Variants in KCNJ3 observed in about 807,000 individuals in gnomAD.
The protein encoded by KCNJ3 is G protein-activated inward rectifier potassium channel 1.
KCNJ3 carries 4 observed loss-of-function variants against 39.2 expected under a neutral mutation model. The ratio of observed to expected loss-of-function variants is 0.10; its 90% CI spans 0.05 to 0.23. The LOEUF is 0.23. KCNJ3 is among the 10% of genes least tolerant of loss of function. The probability of loss-of-function intolerance (pLI) is 1.00; values close to 1 mark genes in which losing one functional copy is unlikely to be tolerated. For missense variants in KCNJ3, 276 were observed against 634.9 expected (o/e 0.43, Z 6.08); for synonymous variants, 230 against 237.4 (o/e 0.97, Z 0.29).
intron 2 of KCNJ3, among the ~76,000 whole-genome samples, chr2:154,791,916 C>T (rs946586645): frequency 2.0e-5 from 3 of 152,022 alleles, no homozygotes; most frequent in African/African-American, 7.2e-5. Context: ...CCAGAGATTG[C>T]ATTAGTCAGC....
chr2:154,709,752 C>G lies in KCNJ3; in HGVS notation c.852C>G (p.Ser284=). The change falls in exon 2 of 3, where the codon TCC becomes TCG. Residue 284 remains serine, a synonymous_variant. Coordinates refer to ENST00000295101, the MANE Select transcript of KCNJ3 (RefSeq NM_002239.4). ...CCAAAAGCCCCTTTTATGACCTATC[C>G]CAGCGAAGCATGCAAACTGAACAGT... is the stretch of plus-strand genomic sequence containing the variant. ...IDAKSPFYDL[S]QRSMQTEQFE... is the part of the protein sequence containing the mutation. 6.2e-7 allele frequency: 1 copy of G among 1,613,862 alleles called. No individual in the cohort carries two copies. The highest frequency in any genetic ancestry group is 8.5e-7 in the Non-Finnish European group (1 of 1,179,882).
intron 2 of KCNJ3, among the ~76,000 whole-genome samples, chr2:154,722,581 T>G (rs996263157): frequency 2.0e-5 from 3 of 152,002 alleles, no homozygotes; most frequent in Admixed American, 6.6e-5. Context: ...AGTGGAAGAG[T>G]AAAGGCTGGA....
rs911439025 is a variant in KCNJ3, at chr2:154,749,630, A to C, written c.919+39811A>C. 3.3e-5 allele frequency among the ~76,000 whole-genome samples: 5 copies of C among 152,070 alleles called. No individual in the cohort carries two copies. The East Asian group carries it at 7.7e-4, about 23-fold the overall frequency. ...AATGTGTTTGGCTTCTGGTTCGATC[A>C]CATAGTTTTATGACCTTGCCAAAGT... On this transcript the variant is annotated intron_variant, in intron 2 of 2. Coordinates refer to ENST00000295101, the MANE Select transcript of KCNJ3 (RefSeq NM_002239.4).
chr2:154,789,627 G>A lies in KCNJ3; in HGVS notation c.920-65100G>A, dbSNP rs190422710. ...AAAGTAGCCAGAACATACATATAGT[G>A]TAATTAAACAAATTCCCTTTATCTT... On this transcript the variant is annotated intron_variant, in intron 2 of 2. Transcript: ENST00000295101. Among the ~76,000 whole-genome samples the A allele has an allele frequency of 4.0e-3, 607 of 152,106 alleles. 6 individuals are homozygous for A. Among genetic ancestry groups the A allele is most frequent in the Non-Finnish European group, 3.4e-3 (229 of 67,934 alleles).
At position 154,732,385 on chromosome 2, in the gene KCNJ3, A is replaced by T. The variant is rs563846505; in HGVS notation, c.919+22566A>T. Among the ~76,000 whole-genome samples the T allele has an allele frequency of 4.6e-5, 7 of 152,184 alleles. No individual in the cohort carries two copies. In the South Asian group the frequency reaches 1.4e-3, roughly 32 times the overall value. The stretch of plus-strand genomic sequence containing the variant: ...CTTCATGACAGTCAATATTTTTCTT[A>T]CCCATTGGTGTTTGGATAAATGAAA... On this transcript the variant is annotated intron_variant, in intron 2 of 2. Transcript: ENST00000295101.
intron 2 of KCNJ3, among the ~76,000 whole-genome samples, chr2:154,844,450 G>A (rs1443604493): frequency 2.0e-5 from 3 of 152,170 alleles, no homozygotes; most frequent in East Asian, 1.9e-4. Flanking sequence ...GAGCTCAGAC[G>A]CCGTGCTGGG....
At chr2:154,801,949 A>C (rs1015930467) in intron 2 of KCNJ3, among the ~76,000 whole-genome samples, 1 of 152,142 alleles carries the variant, frequency 6.6e-6, no homozygotes, top group African/African-American at 2.4e-5. Flanking sequence ...TATTACAACT[A>C]GAATTAAAAC....
chr2:154,770,085 A>G (rs1255451252), intron 2 of KCNJ3, among the ~76,000 whole-genome samples: 1 of 152,208 alleles, frequency 6.6e-6, no homozygotes, highest in Non-Finnish European at 1.5e-5. Flanking sequence ...TGAGTTGCAC[A>G]CCTTAACTGA....
Position 154,853,240 on chromosome 2 carries a change from G to T in KCNJ3, c.920-1487G>T, listed in dbSNP as rs1172005745. ...TTCTACATGAGTTTATTTTAAAACT[G>T]TCTTGAAAAAACATAGTATATAGTG... is the stretch of plus-strand genomic sequence containing the variant. On this transcript the variant is annotated intron_variant, in intron 2 of 2. Transcript: ENST00000295101. 5.3e-5 allele frequency among the ~76,000 whole-genome samples: 8 copies of T among 151,638 alleles called. No homozygotes were observed. The East Asian group carries it at 9.7e-4, about 18-fold the overall frequency.
At chr2:154,819,877 A>G (rs1220635736) in intron 2 of KCNJ3, among the ~76,000 whole-genome samples, 1 of 151,074 alleles carries the variant, frequency 6.6e-6, no homozygotes, top group Non-Finnish European at 1.5e-5. Context: ...TTTAACATGT[A>G]ATACTGAATT....
intron 2 of KCNJ3, among the ~76,000 whole-genome samples, chr2:154,730,871 A>G (rs984421761): frequency 6.6e-6 from 1 of 152,110 alleles, no homozygotes; most frequent in Non-Finnish European, 1.5e-5. Flanking sequence ...GCACTAACCT[A>G]TAATTACTCC....
At chr2:154,723,291 A>T (rs896317106) in intron 2 of KCNJ3, among the ~76,000 whole-genome samples, 1 of 113,822 alleles carries the variant, frequency 8.8e-6, no homozygotes, top group African/African-American at 3.3e-5. Context: ...TCTCAAAAAT[A>T]AAAAGATAAA....
In KCNJ3 at chr2:154,819,417, A is replaced by G. The variant is rs559626330; in HGVS notation, c.920-35310A>G. ...ATGCTTAATTTTCTTTTTTCTGTTG[A>G]ATTTTTAAGTTGAACCTTTAGAATC... On this transcript the variant is annotated intron_variant, in intron 2 of 2. Coordinates refer to ENST00000295101, the MANE Select transcript of KCNJ3 (RefSeq NM_002239.4). Among the ~76,000 whole-genome samples the G allele has an allele frequency of 3.3e-5, 5 of 152,234 alleles. 1 individual carries two copies. The South Asian group carries it at 6.2e-4, about 19-fold the overall frequency.
At chr2:154,759,563 C>A (rs1181395649) in intron 2 of KCNJ3, among the ~76,000 whole-genome samples, 1 of 151,780 alleles carries the variant, frequency 6.6e-6, no homozygotes, top group African/African-American at 2.4e-5. Context: ...TAAAAAATAT[C>A]TATCTATAGA....
At chr2:154,826,769 G>C (rs963177610) in intron 2 of KCNJ3, among the ~76,000 whole-genome samples, 1 of 152,130 alleles carries the variant, frequency 6.6e-6, no homozygotes, top group African/African-American at 2.4e-5. Context: ...CACATGTTTA[G>C]ATCAGACATT....
chr2:154,746,117 T>C (rs769756998), intron 2 of KCNJ3, among the ~76,000 whole-genome samples: 1 of 152,120 alleles, frequency 6.6e-6, no homozygotes, highest in Non-Finnish European at 1.5e-5. Context: ...TTCTACTTAA[T>C]GAATAGTAAA....
intron 2 of KCNJ3, among the ~76,000 whole-genome samples, chr2:154,740,071 G>A (rs1447766144): frequency 6.6e-6 from 1 of 151,894 alleles, no homozygotes; most frequent in Non-Finnish European, 1.5e-5. Context: ...AACTCCCCAG[G>A]TAATAGTAGT....
intron 2 of KCNJ3, among the ~76,000 whole-genome samples, chr2:154,784,324 T>G (rs961952411): frequency 1.3e-5 from 2 of 152,210 alleles, no homozygotes; most frequent in African/African-American, 4.8e-5. Context: ...GGACATGACT[T>G]TTGTAATAAA....
intron 2 of KCNJ3, among the ~76,000 whole-genome samples, chr2:154,794,280 C>G (rs1330161346): frequency 6.6e-6 from 1 of 151,870 alleles, no homozygotes; most frequent in African/African-American, 2.4e-5. Context: ...AATGATTTTA[C>G]GTTAAAACTT....
Sources: allele counts gnomAD v4.1 joint callset (sites outside exome capture counted in the v4.1 genomes callset), GRCh38; gene constraint gnomAD v4.1.1; transcripts MANE v1.5; gene names NCBI Gene and HGNC (gene_info 2026-07-23, HGNC 2026-07-21).